The following ANKS1B variants were observed in gnomAD, a reference collection of about 807,000 sequenced individuals.
ANKS1B encodes the protein ankyrin repeat and sterile alpha motif domain containing 1B.
ANKS1B carries 36 observed loss-of-function variants against 148.3 expected under a neutral mutation model. The observed-to-expected ratio is 0.24, with a 90% CI of 0.19 to 0.32. The LOEUF (loss-of-function observed/expected upper bound fraction) is 0.32. ANKS1B is among the 10% of genes least tolerant of loss of function. ANKS1B has a pLI of 1.00. For synonymous variants in ANKS1B, 542 were observed against 560.8 expected (o/e 0.97, Z 0.47); for missense variants, 1,157 against 1,542.6 (o/e 0.75, Z 4.19).
chr12:99,496,733 T>C (rs75710082), intron 10 of ANKS1B, among the ~76,000 whole-genome samples: 49 of 151,394 alleles, frequency 3.2e-4, no homozygotes, highest in African/African-American at 1.1e-3. Context: ...ATTTTTTTTT[T>C]CCTGTGGTCA....
chr12:99,603,549 A>G (rs1404107780), intron 9 of ANKS1B, among the ~76,000 whole-genome samples: 1 of 152,102 alleles, frequency 6.6e-6, no homozygotes, highest in Admixed American at 6.6e-5. Context: ...TAACATAGCC[A>G]GTGTTTCCAA....
At chr12:98,753,516 C>T (rs2098148578) in intron 25 of ANKS1B, among the ~76,000 whole-genome samples, 1 of 152,182 alleles carries the variant, frequency 6.6e-6, no homozygotes, top group Admixed American at 6.5e-5. Flanking sequence ...CCACCTCCAC[C>T]TCTTGGGTTC....
rs746250087 is a variant in ANKS1B, at chr12:99,782,101, GA to G, written c.670-5del. The G allele has an allele frequency of 1.9e-3, 2,630 of 1,378,250 alleles. No individual in the cohort carries two copies. The highest frequency in any genetic ancestry group is 7.7e-3 in the Admixed American group (364 of 46,992). 85.4% of individuals were successfully genotyped at this position (1,378,250 alleles called of 1,614,324 possible). ...GAAGTGCACTCCCCTTTTCTGTCTG[GA>G]AAAAAAAAAGTAAGAAAAAAGAAAG... On this transcript the variant is annotated splice_region_variant and splice_polypyrimidine_tract_variant and intron_variant, in intron 4 of 26. Transcript: ENST00000683438.
chr12:99,259,436 C>G (rs758588247), intron 12 of ANKS1B, among the ~76,000 whole-genome samples: 6 of 152,220 alleles, frequency 3.9e-5, no homozygotes, highest in Non-Finnish European at 7.3e-5. Context: ...CTACACTCTG[C>G]CAAACTCAGC....
At chr12:99,453,014 G>T (rs1172071788) in intron 10 of ANKS1B, among the ~76,000 whole-genome samples, 1 of 152,180 alleles carries the variant, frequency 6.6e-6, no homozygotes, top group Non-Finnish European at 1.5e-5. Context: ...GATGAGGCCG[G>T]GCACAGTGGC....
At chr12:99,025,518 G>A (rs1428209252) in intron 17 of ANKS1B, among the ~76,000 whole-genome samples, 3 of 152,182 alleles carry the variant, frequency 2.0e-5, no homozygotes, top group African/African-American at 7.2e-5. Flanking sequence ...TCCATGTCAG[G>A]CTGTTGCTTT....
At chr12:98,828,430 C>T (rs1220489618) in intron 19 of ANKS1B, among the ~76,000 whole-genome samples, 1 of 152,178 alleles carries the variant, frequency 6.6e-6, no homozygotes, top group African/African-American at 2.4e-5. Flanking sequence ...TCAGTCTGAA[C>T]CTAGAATGAG....
intron 17 of ANKS1B, among the ~76,000 whole-genome samples, chr12:99,034,976 G>A (rs1022218494): frequency 6.6e-6 from 1 of 152,170 alleles, no homozygotes; most frequent in Non-Finnish European, 1.5e-5. Context: ...GATGAGGAAG[G>A]CCTTGACCCA....
At chr12:99,850,252 G>A (rs1603324571) in intron 1 of ANKS1B, among the ~76,000 whole-genome samples, 1 of 134,410 alleles carries the variant, frequency 7.4e-6, no homozygotes. Flanking sequence ...TGGTATCTTC[G>A]CATTTGAGAA....
At chr12:99,281,053 C>G (rs567597076) in intron 12 of ANKS1B, among the ~76,000 whole-genome samples, 72 of 152,160 alleles carry the variant, frequency 4.7e-4, no homozygotes, top group Admixed American at 1.7e-3. Context: ...CTTCTCTCAT[C>G]TACTTACTGA....
At position 98,751,956 on chromosome 12, in the gene ANKS1B, T is replaced by C. The variant is rs1265618986; in HGVS notation, c.3580-434A>G. Among the ~76,000 whole-genome samples, 1 of 152,242 alleles carries C rather than the reference T, an allele frequency of 6.6e-6. No individual in the cohort carries two copies. The highest frequency in any genetic ancestry group is 1.9e-4 in the East Asian group (1 of 5,200). On this transcript the variant is annotated intron_variant, in intron 25 of 26. Coordinates refer to ENST00000683438, the MANE Select transcript of ANKS1B (RefSeq NM_001352186.2). The surrounding 1 kb of genome is among the most constrained non-coding windows in gnomAD (Gnocchi z 4.3). ...TAAATGCATATCAGATTGCTTCCCC[T>C]GTCCTGTTGTTTCCCTAAGCCAGAC...
intron 17 of ANKS1B, among the ~76,000 whole-genome samples, chr12:99,040,273 T>C (rs928863431): frequency 6.6e-6 from 1 of 151,226 alleles, no homozygotes; most frequent in African/African-American, 2.5e-5. Context: ...TATGTGCGTG[T>C]GCGTGTGTGT....
intron 24 of ANKS1B, among the ~76,000 whole-genome samples, chr12:98,778,919 A>G (rs1321834441): frequency 6.6e-6 from 1 of 152,200 alleles, no homozygotes; most frequent in Non-Finnish European, 1.5e-5. Flanking sequence ...GAGATCAGCT[A>G]CCTTGCAGGT....
intron 8 of ANKS1B, among the ~76,000 whole-genome samples, chr12:99,737,482 G>C (rs997969011): frequency 6.6e-6 from 1 of 152,036 alleles, no homozygotes; most frequent in African/African-American, 2.4e-5. Context: ...GTAGGAGGTA[G>C]GAAATGCAAA....
intron 22 of ANKS1B, among the ~76,000 whole-genome samples, chr12:98,782,804 A>T (rs1435076008): frequency 2.6e-5 from 4 of 152,212 alleles, no homozygotes; most frequent in African/African-American, 9.6e-5. Flanking sequence ...AATTCCCTGG[A>T]TGCATCAGTG....
chr12:99,847,001 G>A (rs2086776596), intron 1 of ANKS1B, among the ~76,000 whole-genome samples: 1 of 151,992 alleles, frequency 6.6e-6, no homozygotes, highest in African/African-American at 2.4e-5. Flanking sequence ...GTGTGTTGCT[G>A]GGCCTCAGAA....
intron 17 of ANKS1B, among the ~76,000 whole-genome samples, chr12:98,873,252 C>G (rs1471599683): frequency 6.6e-6 from 1 of 152,178 alleles, no homozygotes; most frequent in African/African-American, 2.4e-5. Context: ...CTGCTCCAGT[C>G]ACTATTAGGA....
At chr12:99,776,271 A>G (rs984168431) in intron 6 of ANKS1B, among the ~76,000 whole-genome samples, 2 of 152,230 alleles carry the variant, frequency 1.3e-5, no homozygotes, top group Admixed American at 6.5e-5. Context: ...CAGATATAAT[A>G]TTAGGAATAG....
chr12:99,599,466 T>G (rs2097783907), intron 9 of ANKS1B, among the ~76,000 whole-genome samples: 1 of 152,064 alleles, frequency 6.6e-6, no homozygotes, highest in African/African-American at 2.4e-5. Flanking sequence ...TTGACATGTT[T>G]TGATTTGCAG....
Sources: gnomAD v4.1 joint callset for allele counts (sites outside exome capture counted in the v4.1 genomes callset) on GRCh38, gnomAD v4.1.1 for gene constraint, Gnocchi (gnomAD v3.1) non-coding constraint, MANE v1.5 for transcripts, NCBI Gene and HGNC (gene_info 2026-07-23, HGNC 2026-07-21) for gene names.